The following PCDHGB3 variants were observed in gnomAD, a reference collection of about 807,000 sequenced individuals.
PCDHGB3 encodes protocadherin gamma-B3.
PCDHGB3 carries 40 observed loss-of-function variants against 59.2 expected under a neutral mutation model. That is an observed-to-expected ratio of 0.68 (90% CI 0.52 to 0.88). The LOEUF (loss-of-function observed/expected upper bound fraction) is 0.88, where lower values mean the gene tolerates loss of function less well. Among genes scored for constraint, PCDHGB3 ranks in the 40% least tolerant of loss-of-function variants. The pLI, the probability that PCDHGB3 is intolerant of heterozygous loss-of-function variation, is 0.00. For missense variants in PCDHGB3, 1,309 were observed against 1,187.9 expected (o/e 1.10, Z -1.50); for synonymous variants, 581 against 503.6 (o/e 1.15, Z -2.06).
chr5:141,372,188 G>C lies in PCDHGB3; in HGVS notation c.1794G>C (p.Ser598=). The C allele has an allele frequency of 6.2e-7, 1 of 1,613,564 alleles. No individual in the cohort carries two copies. The highest frequency in any genetic ancestry group is 8.5e-7 in the Non-Finnish European group (1 of 1,179,902). The change falls in exon 1 of 4, where the codon TCG becomes TCC. Residue 598 remains serine (S), a synonymous_variant. Coordinates refer to ENST00000576222, the MANE Select transcript of PCDHGB3 (RefSeq NM_018924.5). ...AGGTGGTGGCGGTGGACGCAGACTC[G>C]GGATACAACGCCTGGCTGTCCTACC... The part of the protein sequence containing the change: ...VTKVVAVDAD[S]GYNAWLSYHI...
chr5:141,432,227 T>C lies in PCDHGB3; in HGVS notation c.2415+59418T>C, dbSNP rs1046414550. On this transcript the variant is annotated intron_variant, in intron 1 of 3. Coordinates refer to ENST00000576222, the MANE Select transcript of PCDHGB3 (RefSeq NM_018924.5). This position sits in a 1 kb window ranked among gnomAD's most constrained non-coding sequence, Gnocchi z 6.0. ...TGAAGAGAACGCCCAGATCACTTATTCCCTGGCTGAGAACACCATCCAAGG... is the reference window on the plus strand; with the variant it reads ...TGAAGAGAACGCCCAGATCACTTATCCCCTGGCTGAGAACACCATCCAAGG... 1.4e-5 allele frequency: 22 copies of C among 1,614,080 alleles called. No individual in the cohort carries two copies. The highest frequency in any genetic ancestry group is 1.8e-5 in the Non-Finnish European group (21 of 1,180,042).
At chr5:141,410,063 C>CTGCGCACTGGGGAGG (rs2095353294) in intron 1 of PCDHGB3, 2 of 1,612,972 alleles carry the variant, frequency 1.2e-6, no homozygotes, top group Non-Finnish European at 1.7e-6. Context: ...CAGCCTGGGG[C>CTGCGCACTGGGGAGG]TGCGCACTGG....
chr5:141,511,077 T>C lies in PCDHGB3; in HGVS notation c.2694T>C (p.Asn898=), dbSNP rs1279500774. ...YRQNVYIPGS[N]ATLTNAAGKR... is the part of the protein sequence containing the mutation. ...AGAATGTCTACATCCCAGGCAGCAA[T>C]GCCACACTGACCAACGCAGCTGGCA... is the stretch of plus-strand genomic sequence containing the variant. Residue 898 remains asparagine, a synonymous_variant, in exon 4 of 4, where the codon AAT becomes AAC. Transcript: ENST00000576222. 5 of 1,614,062 alleles carry C rather than the reference T, an allele frequency of 3.1e-6. No individual in the cohort carries two copies. The African/African-American group carries it at 6.7e-5, about 22-fold the overall frequency.
chr5:141,458,922 G>A (rs747489537), intron 1 of PCDHGB3, among the ~76,000 whole-genome samples: 2 of 151,918 alleles, frequency 1.3e-5, no homozygotes, highest in East Asian at 1.9e-4. Flanking sequence ...TTGTGGAGAC[G>A]GGGTCTCACT....
At chr5:141,408,214 C>CT (rs1471079476) in intron 1 of PCDHGB3, 1 of 1,555,074 alleles carries the variant, frequency 6.4e-7, no homozygotes. Flanking sequence ...TGGGAGGGAG[C>CT]TGCGCGCAGA....
chr5:141,433,054 G>A, intron 1 of PCDHGB3: 2 of 1,614,196 alleles, frequency 1.2e-6, no homozygotes, highest in Non-Finnish European at 1.7e-6. Context: ...ACTCGCGGAA[G>A]AGTCACCTGA....
At chr5:141,441,744 G>A (rs913393900) in intron 1 of PCDHGB3, 7 of 366,408 alleles carry the variant, frequency 1.9e-5, no homozygotes, top group African/African-American at 1.1e-4. Context: ...GCTCGCGCTC[G>A]GCGTCAACGT....
chr5:141,451,676 G>A (rs1363843426), intron 1 of PCDHGB3, among the ~76,000 whole-genome samples: 1 of 152,142 alleles, frequency 6.6e-6, no homozygotes, highest in African/African-American at 2.4e-5. Flanking sequence ...GAGCCCAGGA[G>A]TTCAAGACCA....
intron 1 of PCDHGB3, among the ~76,000 whole-genome samples, chr5:141,448,711 C>T (rs62379167): frequency 0.23 from 35,567 of 151,844 alleles, 4,336 homozygotes; most frequent in Admixed American, 0.32. Context: ...GAGGCCGAGG[C>T]GGGAGGATCA....
chr5:141,397,835 T>G (rs1483046343), intron 1 of PCDHGB3, among the ~76,000 whole-genome samples: 1 of 152,238 alleles, frequency 6.6e-6, no homozygotes, highest in Admixed American at 6.5e-5. Context: ...CTGGTTAACT[T>G]GAAGCCGCAG....
intron 1 of PCDHGB3, chr5:141,389,021 A>G: frequency 6.2e-7 from 1 of 1,614,004 alleles, no homozygotes; most frequent in Non-Finnish European, 8.5e-7. Context: ...ACAATGGAGA[A>G]GTGACTTGTA....
chr5:141,418,041 T>C lies in PCDHGB3; in HGVS notation c.2415+45232T>C, dbSNP rs764313049. The C allele has an allele frequency of 1.2e-6, 2 of 1,613,858 alleles. No individual in the cohort carries two copies. Among genetic ancestry groups the C allele is most frequent in the Non-Finnish European group, 1.7e-6 (2 of 1,179,856 alleles). On this transcript the variant is annotated intron_variant, in intron 1 of 3. Transcript: ENST00000576222. ...GATCTAGGGCTTAGTGTCCTGGATG[T>C]GTCGGCTCGCGAGCTGCGAGTGAGC... is the stretch of plus-strand genomic sequence containing the variant.
chr5:141,456,327 G>C (rs917430790), intron 1 of PCDHGB3, among the ~76,000 whole-genome samples: 1 of 152,186 alleles, frequency 6.6e-6, no homozygotes, highest in African/African-American at 2.4e-5. Flanking sequence ...TCCTGGGGTT[G>C]ATCTAAGGGT....
chr5:141,400,454 T>C (rs779993462), intron 1 of PCDHGB3: 1 of 1,614,096 alleles, frequency 6.2e-7, no homozygotes, highest in Non-Finnish European at 8.5e-7. Flanking sequence ...CAAGACATAC[T>C]TTGTGGTGAT....
chr5:141,462,408 A>G (rs1240372917), intron 1 of PCDHGB3, among the ~76,000 whole-genome samples: 2 of 152,188 alleles, frequency 1.3e-5, no homozygotes, highest in Non-Finnish European at 2.9e-5. Context: ...ATGGCACAGA[A>G]TATGGTCTAT....
intron 1 of PCDHGB3, among the ~76,000 whole-genome samples, chr5:141,456,187 A>G (rs989106132): frequency 3.9e-5 from 6 of 152,084 alleles, no homozygotes; most frequent in African/African-American, 1.4e-4. Flanking sequence ...TAATTTCTTA[A>G]TAACTCCTAC....
intron 1 of PCDHGB3, among the ~76,000 whole-genome samples, chr5:141,406,621 A>G (rs2094831746): frequency 6.6e-6 from 1 of 152,172 alleles, no homozygotes; most frequent in African/African-American, 2.4e-5. Flanking sequence ...TTTTATTCTC[A>G]TATCTTCAAA....
intron 1 of PCDHGB3, chr5:141,426,610 C>G (rs1376781969): frequency 2.6e-6 from 1 of 382,832 alleles, no homozygotes; most frequent in Non-Finnish European, 5.3e-6. Context: ...GAGATTGTAG[C>G]AGAGAATCCT....
At chr5:141,422,789 TC>T (rs1561803924) in intron 1 of PCDHGB3, 44 of 1,614,158 alleles carry the variant, frequency 2.7e-5, no homozygotes, top group Non-Finnish European at 3.6e-5. Context: ...CTACAATCCT[TC>T]GACTATGAGC....
Sources: allele counts gnomAD v4.1 joint callset (sites outside exome capture counted in the v4.1 genomes callset), GRCh38; gene constraint gnomAD v4.1.1; non-coding constraint Gnocchi (gnomAD v3.1); transcripts MANE v1.5; gene names NCBI Gene and HGNC (gene_info 2026-07-23, HGNC 2026-07-21).